The following MUC3A variants were observed in gnomAD, a reference collection of about 807,000 sequenced individuals.
MUC3A encodes mucin 3A, cell surface associated.
MUC3A carries 109 observed loss-of-function variants against 109.0 expected under a neutral mutation model. The observed-to-expected ratio is 1.00, with a 90% CI of 0.86 to 1.17. The LOEUF (loss-of-function observed/expected upper bound fraction) is 1.17, where lower values mean the gene tolerates loss of function less well. Ranked by LOEUF, MUC3A falls within the 50% of genes most tolerant of loss-of-function variation. MUC3A has a pLI of 0.00. For synonymous variants in MUC3A, 1,398 were observed against 981.4 expected, an observed-to-expected ratio of 1.42 and a Z score of -7.93; for missense variants, 3,537 against 2,469.4, an observed-to-expected ratio of 1.43 and a Z score of -9.16.
rs991165058 is a variant in MUC3A, at chr7:100,963,741, C to T, written c.9222C>T (p.Ile3074=). 1 of 1,598,568 alleles carries T rather than the reference C, an allele frequency of 6.3e-7. No homozygotes were observed. Among genetic ancestry groups the T allele is most frequent in the East Asian group, 2.2e-5 (1 of 44,892 alleles). Residue 3074 remains isoleucine (I), a synonymous_variant, in exon 5 of 12, where the codon ATC becomes ATT. Coordinates refer to ENST00000379458, the MANE Select transcript of MUC3A (RefSeq NM_005960.2). ...MQGFTFKGVE[I]LSLRNGSIVV... ...GCTTCACCTTCAAGGGTGTGGAGATCCTGTCCCTGAGGTAGGAGACCCATC... is the reference window on the plus strand; with the variant it reads ...GCTTCACCTTCAAGGGTGTGGAGATTCTGTCCCTGAGGTAGGAGACCCATC...
In MUC3A at chr7:100,960,837, C is replaced by A. The variant is rs771338243; in HGVS notation, c.8952C>A (p.Thr2984=). The change falls in exon 3 of 12, where the codon ACC becomes ACA. Residue 2984 remains threonine (T), a synonymous_variant. Transcript: ENST00000379458. ...GFSGDRCQLQ[T]RCQNGGQWDG... is the part of the protein sequence containing the mutation. ...CTGGGGACCGCTGTCAGCTCCAGACCAGATGCCAGAATGGGGGTCAGTGGG... is the reference window on the plus strand; with the variant it reads ...CTGGGGACCGCTGTCAGCTCCAGACAAGATGCCAGAATGGGGGTCAGTGGG... The A allele has an allele frequency of 6.3e-7, 1 of 1,598,538 alleles. No homozygotes were observed. Among genetic ancestry groups the A allele is most frequent in the Admixed American group, 1.7e-5 (1 of 60,034 alleles).
chr7:100,958,826 G>A lies in MUC3A; in HGVS notation c.7047G>A (p.Glu2349=). Residue 2349 remains glutamate (E), a synonymous_variant, in exon 2 of 12, where the codon GAG becomes GAA. Transcript: ENST00000379458. The part of the protein sequence containing the change: ...RSFTSSITTT[E]TNSHSTTSFT... Reference sequence around the variant, plus strand: ...TCACTTCTTCGATCACCACCACCGAGACCAACTCTCACAGTACTACCAGCT... The same window carrying A: ...TCACTTCTTCGATCACCACCACCGAAACCAACTCTCACAGTACTACCAGCT... The A allele has an allele frequency of 6.5e-7, 1 of 1,529,844 alleles. No individual in the cohort carries two copies. The highest frequency in any genetic ancestry group is 8.8e-7 in the Non-Finnish European group (1 of 1,132,818). The allele number at this position is 1,529,844 out of a possible 1,614,324, so 94.8% of individuals were successfully genotyped here.
At chr7:100,950,015 T>C (rs1282478416) in intron 1 of MUC3A, among the ~76,000 whole-genome samples, 1 of 152,294 alleles carries the variant, frequency 6.6e-6, no homozygotes. Context: ...GGGATTTACG[T>C]CTTCCCAGAG....
rs1224000982 is a variant in MUC3A at position 100,954,352 on chromosome 7, C to G, written c.2573C>G (p.Thr858Ser). ...TCTAACATGTCTGCAAGGCCAACAA[C>G]TGTCATTCCCTCATCTCCCACTGTC... ...TVSNMSARPT[T>S]VIPSSPTVQN... Residue 858 changes from threonine (T) to serine (S), a missense_variant, in exon 2 of 12, where the codon ACT becomes AGT. By Grantham distance (58) the Thr-to-Ser change is moderately conservative. Transcript: ENST00000379458. 5.0e-5 allele frequency: 20 copies of G among 403,468 alleles called. No homozygotes were observed. The highest frequency in any genetic ancestry group is 8.7e-5 in the Non-Finnish European group (20 of 229,600). The allele number at this position is 403,468 out of a possible 1,614,324, so 25.0% of individuals were successfully genotyped here. A position where few individuals can be genotyped will look rare whatever the true frequency, so the allele number is the denominator to read the frequency against.
rs1792144971 is a variant in MUC3A at position 100,957,914 on chromosome 7, TTC to T, written c.6136_6137del (p.Ser2046AspfsTer55). 2.4e-6 allele frequency: 1 copy of T among 415,366 alleles called. No homozygotes were observed. Among genetic ancestry groups the T allele is most frequent in the African/African-American group, 7.4e-5 (1 of 13,428 alleles). The allele number at this position is 415,366 out of a possible 1,614,324, so 25.7% of individuals were successfully genotyped here. A position where few individuals can be genotyped will look rare whatever the true frequency, so the allele number is the denominator to read the frequency against. ...CCCATAGTACTCCCAGCTTCACTTC[TTC>T]GATCACCACCGAGACCACATCCCAC... ...TSHSTPSFTS[S>X]ITTETTSHST... On this transcript the variant is annotated frameshift_variant, in exon 2 of 12. Coordinates refer to ENST00000379458, the MANE Select transcript of MUC3A (RefSeq NM_005960.2). LOFTEE classifies it high-confidence loss of function.
rs1304312817 is a variant in MUC3A at position 100,966,373 on chromosome 7, C to T, written c.9612-13C>T. On this transcript the variant is annotated splice_polypyrimidine_tract_variant and intron_variant, in intron 8 of 11. Transcript: ENST00000379458. ...CGGAGGTGAAGAGGGTCTGACCCTG[C>T]GATCTCCCGCAGCTGCTACTCCACC... The T allele has an allele frequency of 1.2e-5, 16 of 1,322,714 alleles. No homozygotes were observed. Among genetic ancestry groups the T allele is most frequent in the South Asian group, 2.9e-5 (1 of 34,970 alleles). The allele number at this position is 1,322,714 out of a possible 1,614,324, so 81.9% of individuals were successfully genotyped here.
In MUC3A at chr7:100,959,803, C is replaced by A. The variant is rs772239430; in HGVS notation, c.8024C>A (p.Thr2675Asn). 6.3e-7 allele frequency: 1 copy of A among 1,592,168 alleles called. No homozygotes were observed. Among genetic ancestry groups the A allele is most frequent in the Non-Finnish European group, 8.5e-7 (1 of 1,176,610 alleles). Reference protein sequence around the residue: ...RGSTSTNAILTSFSTIIWSST... With the variant: ...RGSTSTNAILNSFSTIIWSST... ...AGTACGTCTACAAATGCAATCTTGA[C>A]TTCTTTTAGTACCATCATCTGGTCC... The change falls in exon 2 of 12, where the codon ACT becomes AAT. Residue 2675 changes from threonine (T) to asparagine (N), a missense_variant. Transcript: ENST00000379458.
intron 7 of MUC3A, 139 bp downstream of exon 7, chr7:100,965,486 C>A: frequency 6.1e-6 from 9 of 1,464,564 alleles, no homozygotes; most frequent in Non-Finnish European, 7.4e-6. Context: ...CCCTTCCTGG[C>A]GCTGGTTAGT....
rs553368748 is a variant in MUC3A, at chr7:100,962,448, A to G, written c.9053-703A>G. 5.9e-5 allele frequency among the ~76,000 whole-genome samples: 9 copies of G among 152,428 alleles called. No homozygotes were observed. The East Asian group carries it at 1.5e-3, about 26-fold the overall frequency. On this transcript the variant is annotated intron_variant, in intron 3 of 11. Transcript: ENST00000379458. ...TAAAAAAAAGTTAGGCTGATTAGCA[A>G]TCTAATTCAATCTGCACCCTTGATC...
At chr7:100,951,308 T>C (rs1428184039) in intron 1 of MUC3A, among the ~76,000 whole-genome samples, 1 of 152,304 alleles carries the variant, frequency 6.6e-6, no homozygotes, top group Non-Finnish European at 1.5e-5. Context: ...TTTGTTCAGC[T>C]TTCCCTGTCT....
intron 2 of MUC3A, 47 bp downstream of exon 2, chr7:100,960,692 T>A (rs747731248): frequency 1.1e-5 from 17 of 1,592,610 alleles, no homozygotes; most frequent in Non-Finnish European, 1.4e-5. Context: ...CCCTGCAAAA[T>A]TCCTGTGTCA....
At chr7:100,964,412 A>G (rs587670019) in intron 5 of MUC3A, 60 of 447,310 alleles carry the variant, frequency 1.3e-4, no homozygotes, top group East Asian at 3.5e-5. Context: ...GTGAGCTACA[A>G]TGATACCACT....
At chr7:100,963,590 G>T in intron 4 of MUC3A, 98 bp from the exon 5 acceptor site, 1 of 1,573,396 alleles carries the variant, frequency 6.4e-7, no homozygotes, top group East Asian at 2.2e-5. Flanking sequence ...CGGCCGGGGA[G>T]GGGAATTGAA....
In MUC3A at chr7:100,959,198, A is replaced by G. The variant is rs1301620370; in HGVS notation, c.7419A>G (p.Thr2473=). Residue 2473 remains threonine, a synonymous_variant, in exon 2 of 12, where the codon ACA becomes ACG. Transcript: ENST00000379458. ...CCTCAGAGACTGCGGTGACTCCCACACCTGTAACCCCATCTTCTCTGAGTA... is the reference window on the plus strand; with the variant it reads ...CCTCAGAGACTGCGGTGACTCCCACGCCTGTAACCCCATCTTCTCTGAGTA... ...FTTSETAVTP[T]PVTPSSLSTD... is the part of the protein sequence containing the mutation. 6.3e-7 allele frequency: 1 copy of G among 1,598,498 alleles called. No individual in the cohort carries two copies. Among genetic ancestry groups the G allele is most frequent in the Non-Finnish European group, 8.5e-7 (1 of 1,179,806 alleles).
Position 100,960,190 on chromosome 7 carries a change from C to A in MUC3A, c.8411C>A (p.Thr2804Lys), listed in dbSNP as rs1235590357. Residue 2804 changes from threonine (T) to lysine (K), a missense_variant, in exon 2 of 12, where the codon ACA becomes AAA. Physicochemically the swap from Thr to Lys is moderately conservative, Grantham distance 78. Transcript: ENST00000379458. ...ACTTCTCCTCCCACCACCCCATTAA[C>A]AGTCTTTCCCTTTACTACCGAAATG... ...EATSPPTTPLTVFPFTTEMVT... is the reference protein window; with the variant it reads ...EATSPPTTPLKVFPFTTEMVT... 3 of 1,589,286 alleles carry A rather than the reference C, an allele frequency of 1.9e-6. No individual in the cohort carries two copies. Among genetic ancestry groups the A allele is most frequent in the Non-Finnish European group, 2.6e-6 (3 of 1,173,760 alleles).
Position 100,959,030 on chromosome 7 carries a change from G to C in MUC3A, c.7251G>C (p.Glu2417Asp), listed in dbSNP as rs746023846. The change falls in exon 2 of 12, where the codon GAG (glutamate) becomes GAC (aspartate). Residue 2417 changes from glutamate (E) to aspartate (D), a missense_variant. Glu to Asp is a conservative substitution (Grantham distance 45, BLOSUM62 2). Coordinates refer to ENST00000379458, the MANE Select transcript of MUC3A (RefSeq NM_005960.2). ...PGLTSSITTT[E>D]TTSHSTPGFT... ...TCACTTCTTCAATCACCACCACTGA[G>C]ACTACCTCACACAGTACTCCTGGCT... is the stretch of plus-strand genomic sequence containing the variant. 3 of 1,533,686 alleles carry C rather than the reference G, an allele frequency of 2.0e-6. No individual in the cohort carries two copies. The highest frequency in any genetic ancestry group is 2.3e-5 in the East Asian group (1 of 43,608).
At chr7:100,960,670 C>G (rs1792295989) in intron 2 of MUC3A, 25 bp downstream of exon 2, 2 of 1,593,464 alleles carry the variant, frequency 1.3e-6, no homozygotes, top group Non-Finnish European at 1.7e-6. Context: ...CTCTCTGTTC[C>G]CCTCCTTCCT....
chr7:100,966,077 T>TGG, intron 8 of MUC3A: 1 of 626,000 alleles, frequency 1.6e-6, no homozygotes, highest in Non-Finnish European at 2.5e-6. Context: ...TGTCCCCTAA[T>TGG]TCTGGGAGAG....
In MUC3A at chr7:100,968,016, T is replaced by C. The variant is rs77684428; in HGVS notation, c.*854T>C. 0.19 allele frequency: 13,926 copies of C among 72,648 alleles called. 12 individuals are homozygous for C. The highest frequency in any genetic ancestry group is 0.23 in the African/African-American group (3,611 of 15,506). The allele number at this position is 72,648 out of a possible 1,614,324, so 4.5% of individuals were successfully genotyped here. ...CCCCATCACCCTGCTGCCCAATTCT[T>C]TATTCTCCACCCCTTTCTCTCACCC... On this transcript the variant is annotated 3_prime_UTR_variant, in exon 12 of 12. Transcript: ENST00000379458.
Sources: gnomAD v4.1 joint callset for allele counts (sites outside exome capture counted in the v4.1 genomes callset) on GRCh38, gnomAD v4.1.1 for gene constraint, MANE v1.5 for transcripts, NCBI Gene and HGNC (gene_info 2026-07-23, HGNC 2026-07-21) for gene names.